Variants in XRCC5 observed in about 807,000 individuals in gnomAD.
XRCC5 encodes the protein X-ray repair cross complementing 5, also known as DNA repair protein Ku80.
A neutral mutation model predicts 95.7 loss-of-function variants in XRCC5; 12 were observed. That is an observed-to-expected ratio of 0.13 (90% CI 0.08 to 0.20). XRCC5 has a LOEUF of 0.20. XRCC5 is among the 10% of genes least tolerant of loss of function. XRCC5 has a pLI of 1.00. For synonymous variants in XRCC5, 281 were observed against 290.3 expected (o/e 0.97, Z 0.33); for missense variants, 595 against 873.9 (o/e 0.68, Z 4.02).
chr2:216,170,489 G>GGAGA (rs10585319), intron 16 of XRCC5, among the ~76,000 whole-genome samples: 9 of 150,492 alleles, frequency 6.0e-5, no homozygotes, highest in African/African-American at 1.7e-4. Flanking sequence ...CTTCTATGAA[G>GGAGA]GAGAGAGAGA....
chr2:216,201,739 T>G (rs1261867982), intron 19 of XRCC5, among the ~76,000 whole-genome samples: 2 of 152,158 alleles, frequency 1.3e-5, no homozygotes, highest in African/African-American at 4.8e-5. Flanking sequence ...ATTCGGAGAA[T>G]CTCTTGCTTT....
chr2:216,147,991 C>T, intron 13 of XRCC5, 92 bp from the exon 14 acceptor site: 1 of 1,368,280 alleles, frequency 7.3e-7, no homozygotes, highest in South Asian at 1.3e-5. Flanking sequence ...CTTAGCCCTC[C>T]CACACTAAAG....
chr2:216,167,897 C>A (rs932746563), intron 16 of XRCC5, among the ~76,000 whole-genome samples: 1 of 152,052 alleles, frequency 6.6e-6, no homozygotes, highest in African/African-American at 2.4e-5. Flanking sequence ...TACATCTAAT[C>A]ATGAGAAAAT....
At chr2:216,159,445 C>T (rs1164860433) in intron 14 of XRCC5, among the ~76,000 whole-genome samples, 1 of 151,942 alleles carries the variant, frequency 6.6e-6, no homozygotes, top group Non-Finnish European at 1.5e-5. Flanking sequence ...GCATATTGCA[C>T]AAAACAGAAT....
chr2:216,186,870 A>G (rs1689502151), intron 16 of XRCC5, among the ~76,000 whole-genome samples: 1 of 151,784 alleles, frequency 6.6e-6, no homozygotes, highest in Admixed American at 6.5e-5. Flanking sequence ...TTCCAGCCAA[A>G]TATTATAGAA....
intron 11 of XRCC5, 124 bp from the exon 12 acceptor site, chr2:216,137,965 C>A: frequency 2.7e-6 from 2 of 736,738 alleles, no homozygotes; most frequent in South Asian, 1.9e-5. Context: ...TTTCATATGC[C>A]AGAGTTGGGC....
intron 12 of XRCC5, among the ~76,000 whole-genome samples, chr2:216,138,628 T>C (rs1029904301): frequency 6.6e-6 from 1 of 152,244 alleles, no homozygotes; most frequent in African/African-American, 2.4e-5. Context: ...AGTCTCATTG[T>C]TACTTATTTC....
chr2:216,111,505 C>T, intron 1 of XRCC5: 1 of 308,492 alleles, frequency 3.2e-6, no homozygotes, highest in Non-Finnish European at 6.6e-6. Flanking sequence ...GCCTGGGTGA[C>T]AGTGAGACCA....
chr2:216,164,230 A>G (rs1344745045), intron 16 of XRCC5, among the ~76,000 whole-genome samples: 3 of 152,216 alleles, frequency 2.0e-5, no homozygotes, highest in East Asian at 1.9e-4. Context: ...TTTCAATTGT[A>G]TGTCGTCAAT....
At chr2:216,190,780 A>G (rs1424964588) in intron 17 of XRCC5, among the ~76,000 whole-genome samples, 3 of 152,228 alleles carry the variant, frequency 2.0e-5, no homozygotes, top group Admixed American at 6.5e-5. Flanking sequence ...AACACTGACA[A>G]TAAGTTCCTC....
At chr2:216,174,918 G>A (rs1000799844) in intron 16 of XRCC5, 5 of 341,808 alleles carry the variant, frequency 1.5e-5, no homozygotes, top group Non-Finnish European at 2.3e-5. Context: ...TACCATATCC[G>A]TCACGTCTAC....
chr2:216,192,143 C>T (rs1055888322), intron 17 of XRCC5, among the ~76,000 whole-genome samples: 3 of 152,070 alleles, frequency 2.0e-5, no homozygotes, highest in Non-Finnish European at 2.9e-5. Context: ...GGAATACATG[C>T]GCCTGCCACC....
At chr2:216,183,047 C>G (rs981361050) in intron 16 of XRCC5, among the ~76,000 whole-genome samples, 2 of 152,128 alleles carry the variant, frequency 1.3e-5, no homozygotes, top group Non-Finnish European at 2.9e-5. Context: ...TCATAATGCT[C>G]TCTTACATAA....
intron 14 of XRCC5, among the ~76,000 whole-genome samples, chr2:216,150,606 T>A (rs1417387338): frequency 6.6e-6 from 1 of 152,126 alleles, no homozygotes; most frequent in African/African-American, 2.4e-5. Context: ...CAAAGAGGTA[T>A]TTGCATATAT....
At chr2:216,194,761 A>G (rs1689683427) in intron 18 of XRCC5, among the ~76,000 whole-genome samples, 158 bp from the exon 19 acceptor site, 1 of 152,206 alleles carries the variant, frequency 6.6e-6, no homozygotes, top group Non-Finnish European at 1.5e-5. Flanking sequence ...ACTTGAGCCC[A>G]GGAGTCTGAG....
chr2:216,195,022 A>T, intron 19 of XRCC5, 36 bp downstream of exon 19: 1 of 1,594,968 alleles, frequency 6.3e-7, no homozygotes. Context: ...TAGTTGAATT[A>T]TTATAGTGGA....
At chr2:216,117,521 C>T in intron 3 of XRCC5, 2 of 490,814 alleles carry the variant, frequency 4.1e-6, no homozygotes, top group South Asian at 3.7e-5. Flanking sequence ...GTTAGATTAC[C>T]TTTTGTTTAT....
chr2:216,112,725 T>A (rs776429348), intron 1 of XRCC5, among the ~76,000 whole-genome samples: 20 of 152,356 alleles, frequency 1.3e-4, no homozygotes, highest in Non-Finnish European at 2.5e-4. Context: ...GCATCATATG[T>A]ACTCATCATG....
chr2:216,183,389 A>G (rs535248873), intron 16 of XRCC5, among the ~76,000 whole-genome samples: 3 of 152,212 alleles, frequency 2.0e-5, no homozygotes, highest in Admixed American at 2.0e-4. Context: ...TATTAGTGCA[A>G]TTTGTAAGAA....
Sources: gnomAD v4.1 joint callset for allele counts (sites outside exome capture counted in the v4.1 genomes callset) on GRCh38, gnomAD v4.1.1 for gene constraint, MANE v1.5 for transcripts, NCBI Gene and HGNC (gene_info 2026-07-23, HGNC 2026-07-21) for gene names.